Variants in CSMD2 observed in about 807,000 individuals in gnomAD.
The protein encoded by CSMD2 is CUB and Sushi multiple domains 2.
Under a neutral mutation model 398.5 loss-of-function variants are expected in CSMD2, and 130 were observed. That is an observed-to-expected ratio of 0.33 (90% CI 0.28 to 0.38). The LOEUF (loss-of-function observed/expected upper bound fraction) is 0.38. Among genes scored for constraint, CSMD2 ranks in the 10% least tolerant of loss-of-function variants. CSMD2 has a pLI of 1.00. For missense variants in CSMD2, 3,829 were observed against 4,764.9 expected, an observed-to-expected ratio of 0.80 and a Z score of 5.78; for synonymous variants, 1,828 against 1,908.5, an observed-to-expected ratio of 0.96 and a Z score of 1.10.
intron 1 of CSMD2, among the ~76,000 whole-genome samples, chr1:34,124,516 C>A (rs1287695642): frequency 1.3e-5 from 2 of 152,118 alleles, no homozygotes; most frequent in Non-Finnish European, 2.9e-5. Context: ...TGACACCCTG[C>A]CTCCTGGTGC....
intron 1 of CSMD2, among the ~76,000 whole-genome samples, chr1:34,103,514 G>A (rs1660219970): frequency 1.3e-5 from 2 of 151,906 alleles, no homozygotes; most frequent in African/African-American, 4.8e-5. Flanking sequence ...TAGCCAGGAT[G>A]GTCTTGATCT....
chr1:33,606,266 G>T (rs899751165), intron 41 of CSMD2, among the ~76,000 whole-genome samples: 18 of 152,236 alleles, frequency 1.2e-4, no homozygotes, highest in African/African-American at 4.3e-4. Context: ...AATTGGCAGC[G>T]GGAGGAGACA....
chr1:33,718,230 T>C (rs1039165669), intron 19 of CSMD2, among the ~76,000 whole-genome samples: 2 of 152,124 alleles, frequency 1.3e-5, no homozygotes, highest in South Asian at 2.1e-4. Context: ...AGAGAGCAGG[T>C]AGTTAAGAAC....
At chr1:33,838,890 C>G (rs1309256369) in intron 6 of CSMD2, 1 of 152,696 alleles carries the variant, frequency 6.5e-6, no homozygotes, top group African/African-American at 2.4e-5. Flanking sequence ...CCATGGAAGG[C>G]TTGGTAGAGA....
intron 65 of CSMD2, among the ~76,000 whole-genome samples, chr1:33,526,546 T>G (rs924214953): frequency 1.3e-5 from 2 of 152,246 alleles, no homozygotes; most frequent in African/African-American, 4.8e-5. Context: ...TCATTTATCC[T>G]TGTAATCATT....
chr1:34,096,313 G>T lies in CSMD2; in HGVS notation c.188-7120C>A, dbSNP rs1403022937. 9.6e-3 allele frequency among the ~76,000 whole-genome samples: 1,459 copies of T among 151,362 alleles called. 25 individuals carry two copies. Among genetic ancestry groups the T allele is most frequent in the African/African-American group, 0.033 (1,359 of 41,366 alleles). ...ACCCACAGCCAATATCATACTGAAT[G>T]GGCAAAAACTGGAAGCATTCCCTTT... On this transcript the variant is annotated intron_variant, in intron 1 of 70. Coordinates refer to ENST00000373381, the MANE Select transcript of CSMD2 (RefSeq NM_001281956.2).
intron 3 of CSMD2, among the ~76,000 whole-genome samples, chr1:34,015,384 A>G (rs1255215184): frequency 2.0e-5 from 3 of 152,206 alleles, no homozygotes; most frequent in Admixed American, 6.5e-5. Context: ...GAACTCTATG[A>G]TTCCAAAGTG....
rs749749665 is a variant in CSMD2, at chr1:33,592,268, A to G, written c.6857-5100T>C. The G allele has an allele frequency of 1.0e-4, 70 of 673,334 alleles. 1 individual carries two copies. Among genetic ancestry groups the G allele is most frequent in the Non-Finnish European group, 1.7e-4 (61 of 368,052 alleles). 41.7% of individuals were successfully genotyped at this position (673,334 alleles called of 1,614,324 possible). ...CTACTTTTTGGTCCACATGGAAAGTAGAAGAGCAGCAATCCATTGCACTTG... is the reference window on the plus strand; with the variant it reads ...CTACTTTTTGGTCCACATGGAAAGTGGAAGAGCAGCAATCCATTGCACTTG... On this transcript the variant is annotated intron_variant, in intron 44 of 70. Transcript: ENST00000373381.
intron 27 of CSMD2, among the ~76,000 whole-genome samples, chr1:33,654,818 G>A (rs545790384): frequency 6.6e-6 from 1 of 152,326 alleles, no homozygotes; most frequent in South Asian, 2.1e-4. Flanking sequence ...ACGTCCCTTT[G>A]CCAGCTCAGG....
chr1:34,035,751 A>AAC (rs1651044623), intron 2 of CSMD2, among the ~76,000 whole-genome samples: 1 of 151,742 alleles, frequency 6.6e-6, no homozygotes, highest in South Asian at 2.1e-4. Context: ...AAAAAAAAAA[A>AAC]CAGTAGCTGA....
In CSMD2 at chr1:33,728,224, C is replaced by A. The variant is rs552275689; in HGVS notation, c.2369-1539G>T. On this transcript the variant is annotated intron_variant, in intron 15 of 70. Coordinates refer to ENST00000373381, the MANE Select transcript of CSMD2 (RefSeq NM_001281956.2). The stretch of plus-strand genomic sequence containing the variant: ...TATCAGATGCCAAAAATTCCCTGAA[C>A]AAGACTGGGGAGGAATAAAGAGCTA... 3.9e-4 allele frequency among the ~76,000 whole-genome samples: 60 copies of A among 152,126 alleles called. 1 individual carries two copies. The highest frequency in any genetic ancestry group is 7.5e-4 in the Non-Finnish European group (51 of 68,030).
intron 3 of CSMD2, among the ~76,000 whole-genome samples, chr1:34,018,258 G>T (rs1272250241): frequency 6.6e-6 from 1 of 152,078 alleles, no homozygotes; most frequent in Non-Finnish European, 1.5e-5. Context: ...AAATCTATTA[G>T]GTAGATCTAC....
At chr1:34,122,047 C>CT (rs1662245371) in intron 1 of CSMD2, among the ~76,000 whole-genome samples, 1 of 149,832 alleles carries the variant, frequency 6.7e-6, no homozygotes, top group South Asian at 2.1e-4. Context: ...CTCTTTCCAG[C>CT]TGGTAGGAAA....
intron 3 of CSMD2, among the ~76,000 whole-genome samples, chr1:33,985,352 C>G (rs934803575): frequency 6.6e-6 from 1 of 152,184 alleles, no homozygotes; most frequent in African/African-American, 2.4e-5. Context: ...GCCAGGCACA[C>G]TAATTAGTGG....
At chr1:33,723,183 G>A (rs551299) in intron 19 of CSMD2, among the ~76,000 whole-genome samples, 1,859 of 152,278 alleles carry the variant, frequency 0.012, 32 homozygotes, top group African/African-American at 0.042. Context: ...ATATCCGGAA[G>A]GATTAATCTT....
At chr1:33,516,886 G>A (rs1376682280) in intron 70 of CSMD2, among the ~76,000 whole-genome samples, 1 of 133,148 alleles carries the variant, frequency 7.5e-6, no homozygotes, top group Non-Finnish European at 1.6e-5. Context: ...TCTAATTTTA[G>A]TTTCTTTCAA....
At chr1:34,087,505 A>C (rs1658020359) in intron 2 of CSMD2, among the ~76,000 whole-genome samples, 1 of 151,864 alleles carries the variant, frequency 6.6e-6, no homozygotes, top group African/African-American at 2.4e-5. Context: ...TATTAGGAGA[A>C]ATACGTAATG....
chr1:34,143,776 G>T (rs1363160066), intron 1 of CSMD2, among the ~76,000 whole-genome samples: 1 of 152,176 alleles, frequency 6.6e-6, no homozygotes, highest in Non-Finnish European at 1.5e-5. Flanking sequence ...TCTCCAGCCT[G>T]CTCCTCTTGC....
At chr1:33,675,252 T>C (rs900086282) in intron 25 of CSMD2, among the ~76,000 whole-genome samples, 9 of 151,590 alleles carry the variant, frequency 5.9e-5, no homozygotes, top group African/African-American at 1.7e-4. Flanking sequence ...ATCAAATAGA[T>C]GCAATAAAAA....
Sources: gnomAD v4.1 joint callset for allele counts (sites outside exome capture counted in the v4.1 genomes callset) on GRCh38, gnomAD v4.1.1 for gene constraint, MANE v1.5 for transcripts, NCBI Gene and HGNC (gene_info 2026-07-23, HGNC 2026-07-21) for gene names.